PHF19: variants seen among roughly 807,000 people sequenced by gnomAD.
PHF19 encodes PHD finger protein 19.
Under a neutral mutation model 79.8 loss-of-function variants are expected in PHF19, and 21 were observed. That is an observed-to-expected ratio of 0.26 (90% CI 0.19 to 0.38). The LOEUF (loss-of-function observed/expected upper bound fraction) is 0.38. Ranked by LOEUF, PHF19 falls within the 10% of genes least tolerant of loss-of-function variation. The pLI is 1.00. For synonymous variants in PHF19, 273 were observed against 296.3 expected, an observed-to-expected ratio of 0.92 and a Z score of 0.81; for missense variants, 445 against 744.2, an observed-to-expected ratio of 0.60 and a Z score of 4.68.
intron 12 of PHF19, 121 bp downstream of exon 12, chr9:120,861,797 G>T: frequency 1.3e-6 from 1 of 760,066 alleles, no homozygotes; most frequent in South Asian, 1.4e-5. Context: ...ATAGGGACTG[G>T]CTTCTTTAAG....
In PHF19 at chr9:120,862,070, G is replaced by C. The variant is rs2131494325; in HGVS notation, c.1131-65C>G. On this transcript the variant is annotated intron_variant, in intron 11 of 14. Transcript: ENST00000373896. This position sits in a 1 kb window ranked among gnomAD's most constrained non-coding sequence, Gnocchi z 4.6. ...CCTGAGGGCCCTAGGGTGGCCCAGA[G>C]GGAGGCGCCGCAGGGGCGGGGGTCA... is the stretch of plus-strand genomic sequence containing the variant. 2 of 1,195,538 alleles carry C rather than the reference G, an allele frequency of 1.7e-6. No homozygotes were observed. Among genetic ancestry groups the C allele is most frequent in the South Asian group, 2.4e-5 (2 of 82,760 alleles). 74.1% of individuals were successfully genotyped at this position (1,195,538 alleles called of 1,614,324 possible).
upstream of PHF19, among the ~76,000 whole-genome samples, chr9:120,880,495 A>G (rs2046163078): frequency 1.3e-5 from 2 of 152,184 alleles, no homozygotes; most frequent in South Asian, 2.1e-4. Context: ...CTCCGTCTCA[A>G]CAAACAAACA....
chr9:120,876,437 G>GCCCCCGGGTGGCGCC (rs1554820486), intron 1 of PHF19: 2 of 151,868 alleles, frequency 1.3e-5, no homozygotes, highest in African/African-American at 4.8e-5. Flanking sequence ...CCGGGCGGGG[G>GCCCCCGGGTGGCGCC]CCCCCGGGTG....
chr9:120,894,721 C>T, intron 1 of PHF19: 1 of 829,592 alleles, frequency 1.2e-6, no homozygotes, highest in Non-Finnish European at 1.6e-6. Flanking sequence ...CGCGGGCCCA[C>T]CCGGCCGCCC....
intron 12 of PHF19, among the ~76,000 whole-genome samples, chr9:120,861,500 T>C (rs151133064): frequency 5.0e-4 from 76 of 152,286 alleles, no homozygotes; most frequent in African/African-American, 1.8e-3. Context: ...AACCGCAAAG[T>C]GCTGGGACAT....
At chr9:120,876,518 C>T (rs1287535835) in intron 1 of PHF19, 2 of 152,058 alleles carry the variant, frequency 1.3e-5, no homozygotes, top group East Asian at 1.9e-4. Flanking sequence ...TGATTCAAAC[C>T]CATTTGCAAA....
At chr9:120,897,338 G>C (rs1265380522), upstream of PHF19, among the ~76,000 whole-genome samples, 3 of 152,200 alleles carry the variant, frequency 2.0e-5, no homozygotes, top group Admixed American at 2.0e-4. Context: ...AGTCAGGGAG[G>C]AAGTGGTGGG....
At position 120,866,681 on chromosome 9, in the gene PHF19, T is replaced by TA. The variant is rs985673761; in HGVS notation, c.710+188dup. ...AGGGATGTGGCCCAGCATACTTCTT[T>TA]ATTGCCTCCTGGCCCTGCATAGCTA... is the stretch of plus-strand genomic sequence containing the variant. On this transcript the variant is annotated intron_variant, in intron 7 of 14. Coordinates refer to ENST00000373896, the MANE Select transcript of PHF19 (RefSeq NM_015651.3). The surrounding 1 kb of genome is among the most constrained non-coding windows in gnomAD (Gnocchi z 5.2). Among the ~76,000 whole-genome samples, 4 of 152,226 alleles carry TA rather than the reference T, an allele frequency of 2.6e-5. No individual in the cohort carries two copies. Among genetic ancestry groups the TA allele is most frequent in the African/African-American group, 9.6e-5 (4 of 41,462 alleles).
At chr9:120,896,451 CTTTTTTTTTT>C (rs71370604), upstream of PHF19, among the ~76,000 whole-genome samples, 2 of 82,712 alleles carry the variant, frequency 2.4e-5, no homozygotes, top group African/African-American at 9.1e-5. Context: ...TTTTTTTTTT[CTTTTTTTTTT>C]TTTTTTTTGA....
chr9:120,867,999 G>A (rs1476731328), intron 6 of PHF19, among the ~76,000 whole-genome samples: 1 of 152,208 alleles, frequency 6.6e-6, no homozygotes. Context: ...TCCCTCCACA[G>A]TGGCCCCGAC....
At chr9:120,859,436 A>G (rs1238262265) in intron 14 of PHF19, among the ~76,000 whole-genome samples, 1 of 151,934 alleles carries the variant, frequency 6.6e-6, no homozygotes. Context: ...TATACTTTTA[A>G]TTCTACTTTT....
chr9:120,894,730 C>G, intron 1 of PHF19: 1 of 979,448 alleles, frequency 1.0e-6, no homozygotes, highest in Non-Finnish European at 1.3e-6. Context: ...ACCCGGCCGC[C>G]CGCGGCTCCC....
At chr9:120,861,034 T>A (rs1387810358) in intron 13 of PHF19, 55 bp downstream of exon 13, 1 of 1,021,816 alleles carries the variant, frequency 9.8e-7, no homozygotes, top group African/African-American at 1.6e-5. Flanking sequence ...GGCTTTCTGC[T>A]TGGTTCCCTC....
At position 120,870,392 on chromosome 9, in the gene PHF19, G is replaced by A. The variant is rs565079143; in HGVS notation, c.364+51C>T. ...AGCAGTACCCGTCAGGGGCCAGTGCGTGGGGACCTATAGGTCGGGGCCTTC... is the reference window on the plus strand; with the variant it reads ...AGCAGTACCCGTCAGGGGCCAGTGCATGGGGACCTATAGGTCGGGGCCTTC... On this transcript the variant is annotated intron_variant, in intron 4 of 14. Coordinates refer to ENST00000373896, the MANE Select transcript of PHF19 (RefSeq NM_015651.3). The surrounding 1 kb of genome is among the most constrained non-coding windows in gnomAD (Gnocchi z 4.4). 1.3e-5 allele frequency: 15 copies of A among 1,139,050 alleles called. No individual in the cohort carries two copies. Among genetic ancestry groups the A allele is most frequent in the South Asian group, 6.2e-5 (5 of 80,668 alleles). 70.6% of individuals were successfully genotyped at this position (1,139,050 alleles called of 1,614,324 possible). A position where few individuals can be genotyped will look rare whatever the true frequency, so the allele number is the denominator to read the frequency against.
rs2045829353 is a variant in PHF19, at chr9:120,869,663, G to A, written c.465+182C>T. 6.5e-7 allele frequency: 1 copy of A among 1,546,436 alleles called. No individual in the cohort carries two copies. Among genetic ancestry groups the A allele is most frequent in the East Asian group, 2.4e-5 (1 of 40,830 alleles). On this transcript the variant is annotated intron_variant, in intron 5 of 14. Transcript: ENST00000373896. This position sits in a 1 kb window ranked among gnomAD's most constrained non-coding sequence, Gnocchi z 5.8. ...CCAAACCCATCTCCACTTTACAGTT[G>A]AGGAAACTGAGGCTCAGGGAGTCTA...
chr9:120,878,544 TGTCA>T (rs2046128030), upstream of PHF19, among the ~76,000 whole-genome samples: 1 of 152,210 alleles, frequency 6.6e-6, no homozygotes, highest in Non-Finnish European at 1.5e-5. Context: ...CCCTGTTCAC[TGTCA>T]GTTGCTCACT....
At chr9:120,896,336 A>G (rs2046400799), upstream of PHF19, among the ~76,000 whole-genome samples, 2 of 151,598 alleles carry the variant, frequency 1.3e-5, no homozygotes, top group Non-Finnish European at 2.9e-5. Context: ...AGTGGAGGAG[A>G]CCGAAGCTTG....
chr9:120,877,058 G>GGC (rs2046084091), intron 1 of PHF19, 33 bp downstream of exon 1: 2 of 985,520 alleles, frequency 2.0e-6, no homozygotes, highest in South Asian at 9.4e-5. Context: ...GGGAGAGCGT[G>GGC]GCGGGGAGTC....
In PHF19 at chr9:120,869,227, C is replaced by T. The variant is rs1352105864; in HGVS notation, c.569G>A (p.Arg190His). The T allele has an allele frequency of 6.2e-7, 1 of 1,611,752 alleles. No homozygotes were observed. Residue 190 changes from arginine to histidine, a missense_variant, in exon 6 of 15, where the codon CGC becomes CAC. Arg to His is a conservative substitution (Grantham distance 29, BLOSUM62 0). Around this residue, in one of 5 missense-constraint regions of PHF19, gnomAD observed 167 missense variants for 375.8 expected, o/e 0.44. Coordinates refer to ENST00000373896, the MANE Select transcript of PHF19 (RefSeq NM_015651.3). This position sits in a 1 kb window ranked among gnomAD's most constrained non-coding sequence, Gnocchi z 5.8. Reference sequence around the variant, plus strand: ...GCAGTAGCATTGCTGCTGGTTGGTGCGATGGGGCGAGTCCCACTCGAGCTC... The same window carrying T: ...GCAGTAGCATTGCTGCTGGTTGGTGTGATGGGGCGAGTCCCACTCGAGCTC... The part of the protein sequence containing the change: ...PEELEWDSPH[R>H]TNQQQCYCYC...
Sources: gnomAD v4.1 joint callset for allele counts (sites outside exome capture counted in the v4.1 genomes callset) on GRCh38, gnomAD v4.1.1 for gene constraint, gnomAD v4.1.1 regional missense constraint, Gnocchi (gnomAD v3.1) non-coding constraint, MANE v1.5 for transcripts, NCBI Gene and HGNC (gene_info 2026-07-23, HGNC 2026-07-21) for gene names.